Variants in EPHA6 observed in about 807,000 individuals in gnomAD.
EPHA6 encodes the protein EPH receptor A6.
In EPHA6, 50 loss-of-function variants were observed where a neutral mutation model predicts 112.0. The ratio of observed to expected loss-of-function variants is 0.45; its 90% CI spans 0.36 to 0.56. The LOEUF (loss-of-function observed/expected upper bound fraction) is 0.56, where lower values mean the gene tolerates loss of function less well. Among genes scored for constraint, EPHA6 ranks in the 20% least tolerant of loss-of-function variants. EPHA6 has a pLI of 0.00. For synonymous variants in EPHA6, 529 were observed against 490.7 expected (o/e 1.08, Z -1.03); for missense variants, 1,280 against 1,417.4 (o/e 0.90, Z 1.56).
At chr3:97,478,838 T>C (rs2091449514) in intron 8 of EPHA6, among the ~76,000 whole-genome samples, 1 of 152,104 alleles carries the variant, frequency 6.6e-6, no homozygotes, top group Non-Finnish European at 1.5e-5. Context: ...CTTGAGAGCA[T>C]GGTTATCCAG....
At chr3:97,090,308 T>C (rs2047023115) in intron 3 of EPHA6, among the ~76,000 whole-genome samples, 2 of 152,046 alleles carry the variant, frequency 1.3e-5, no homozygotes, top group Non-Finnish European at 2.9e-5. Flanking sequence ...AATTAAAAAA[T>C]AGAAATAGCA....
At chr3:96,958,660 C>T (rs536658973) in intron 2 of EPHA6, among the ~76,000 whole-genome samples, 11 of 152,090 alleles carry the variant, frequency 7.2e-5, no homozygotes, top group East Asian at 1.9e-4. Flanking sequence ...ACTAGACAAA[C>T]GGTAATCTAC....
At chr3:97,327,573 A>G (rs2082496424) in intron 5 of EPHA6, among the ~76,000 whole-genome samples, 1 of 151,828 alleles carries the variant, frequency 6.6e-6, no homozygotes, top group African/African-American at 2.4e-5. Flanking sequence ...GGACAGTACC[A>G]ACACTGCAAA....
intron 5 of EPHA6, among the ~76,000 whole-genome samples, chr3:97,299,241 T>C (rs1211507423): frequency 6.7e-6 from 1 of 149,070 alleles, no homozygotes; most frequent in Non-Finnish European, 1.5e-5. Context: ...GTGTGTGTAG[T>C]GGGGAGTGTG....
At chr3:97,329,002 TTCC>T (rs759580288) in intron 5 of EPHA6, among the ~76,000 whole-genome samples, 7 of 151,996 alleles carry the variant, frequency 4.6e-5, no homozygotes, top group Non-Finnish European at 8.8e-5. Flanking sequence ...GTGTGTGATG[TTCC>T]CCTTCCTGTG....
intron 3 of EPHA6, among the ~76,000 whole-genome samples, chr3:97,095,908 T>C (rs1176561570): frequency 6.6e-6 from 1 of 152,044 alleles, no homozygotes; most frequent in Non-Finnish European, 1.5e-5. Context: ...TAAATGATAT[T>C]ATACTTTGAA....
At chr3:97,145,550 A>G (rs1008625204) in intron 3 of EPHA6, among the ~76,000 whole-genome samples, 1 of 151,022 alleles carries the variant, frequency 6.6e-6, no homozygotes, top group African/African-American at 2.4e-5. Context: ...AAAAAAAAAC[A>G]TTTTAATGCA....
At chr3:97,528,198 A>G (rs938565708) in intron 10 of EPHA6, among the ~76,000 whole-genome samples, 2 of 152,140 alleles carry the variant, frequency 1.3e-5, no homozygotes, top group South Asian at 4.1e-4. Context: ...TCATTTTATC[A>G]TGGTCTCAAA....
chr3:96,963,592 T>C (rs887513222), intron 2 of EPHA6, among the ~76,000 whole-genome samples: 1 of 152,182 alleles, frequency 6.6e-6, no homozygotes, highest in African/African-American at 2.4e-5. Context: ...TATGGCTGGG[T>C]ATTTCCATAT....
At chr3:97,507,207 A>G (rs1431092920) in intron 10 of EPHA6, among the ~76,000 whole-genome samples, 1 of 152,164 alleles carries the variant, frequency 6.6e-6, no homozygotes, top group Non-Finnish European at 1.5e-5. Flanking sequence ...TTTGTTGAAT[A>G]GGAGTGGTGA....
At chr3:97,206,898 G>T (rs1055292002) in intron 3 of EPHA6, among the ~76,000 whole-genome samples, 1 of 152,022 alleles carries the variant, frequency 6.6e-6, no homozygotes, top group Non-Finnish European at 1.5e-5. Context: ...TGCAATAACT[G>T]TTATTTTTAT....
intron 2 of EPHA6, among the ~76,000 whole-genome samples, chr3:96,931,018 A>AAAAAAAAAAAAAAAAAAAAAAAAAAG (rs796531853): frequency 3.5e-5 from 3 of 84,562 alleles, no homozygotes; most frequent in Non-Finnish European, 4.7e-5. Context: ...AAAAAAAAAA[A>AAAAAAAAAAAAAAAAAAAAAAAAAAG]AAAGAAAAGC....
intron 6 of EPHA6, among the ~76,000 whole-genome samples, chr3:97,422,137 C>CAAAAA (rs34312259): frequency 1.1e-4 from 11 of 103,390 alleles, no homozygotes; most frequent in Non-Finnish European, 1.7e-4. Flanking sequence ...AATAGTCTCT[C>CAAAAA]AAAAAAAAAA....
Position 97,592,672 on chromosome 3 carries a change from T to C in EPHA6, c.2447T>C (p.Leu816Ser), listed in dbSNP as rs1326407854. ...CCCAGCTTCCTGAGGGCAGGGTTTT[T>C]AAATAGCATCCAGGCCCCGCATCCA... ...FCPSFLRAGF[L>S]NSIQAPHPVP... Residue 816 changes from leucine to serine, a missense_variant, in exon 12 of 18, where the codon TTA (leucine) becomes TCA (serine). Around this residue, in one of 4 missense-constraint regions of EPHA6, gnomAD observed 878 missense variants for 999.7 expected, o/e 0.88. Transcript: ENST00000389672. 1.9e-6 allele frequency: 3 copies of C among 1,613,170 alleles called. No individual in the cohort carries two copies. The Admixed American group carries it at 5.0e-5, about 27-fold the overall frequency.
intron 3 of EPHA6, among the ~76,000 whole-genome samples, chr3:97,023,235 C>T (rs1432018631): frequency 1.3e-5 from 2 of 152,086 alleles, no homozygotes; most frequent in African/African-American, 2.4e-5. Flanking sequence ...CATGCCACCA[C>T]ACCTGGCTAA....
intron 1 of EPHA6, among the ~76,000 whole-genome samples, chr3:96,821,916 C>T (rs1452788611): frequency 1.3e-5 from 2 of 151,632 alleles, no homozygotes; most frequent in East Asian, 3.9e-4. Context: ...TGCTTACTGG[C>T]ATTTTATATT....
chr3:97,553,861 A>G (rs879700312), intron 11 of EPHA6, among the ~76,000 whole-genome samples: 72 of 152,278 alleles, frequency 4.7e-4, no homozygotes, highest in Non-Finnish European at 8.2e-4. Flanking sequence ...ATTGATGTCT[A>G]CTGTATGGCT....
chr3:96,993,015 A>T (rs1366688124), intron 3 of EPHA6, among the ~76,000 whole-genome samples: 2 of 152,214 alleles, frequency 1.3e-5, no homozygotes, highest in African/African-American at 4.8e-5. Context: ...CAAAGCACTG[A>T]GTAGTTAAAA....
At chr3:97,006,667 T>C (rs1403978261) in intron 3 of EPHA6, among the ~76,000 whole-genome samples, 1 of 152,192 alleles carries the variant, frequency 6.6e-6, no homozygotes, top group Non-Finnish European at 1.5e-5. Context: ...TAATTTGCTC[T>C]TGCCTCTCTA....
Sources: gnomAD v4.1 joint callset for allele counts (sites outside exome capture counted in the v4.1 genomes callset) on GRCh38, gnomAD v4.1.1 for gene constraint, gnomAD v4.1.1 regional missense constraint, MANE v1.5 for transcripts, NCBI Gene and HGNC (gene_info 2026-07-23, HGNC 2026-07-21) for gene names.